The following WDR48 variants were observed in gnomAD, a reference collection of about 807,000 sequenced individuals.
WDR48 encodes WD repeat-containing protein 48.
WDR48 carries 22 observed loss-of-function variants against 94.0 expected under a neutral mutation model. That is an observed-to-expected ratio of 0.23 (90% confidence interval 0.17 to 0.33). WDR48 has a LOEUF of 0.33. Among genes scored for constraint, WDR48 ranks in the 10% least tolerant of loss-of-function variants. The probability of loss-of-function intolerance (pLI) is 1.00; values close to 1 mark genes in which losing one functional copy is unlikely to be tolerated. For synonymous variants in WDR48, 278 were observed against 280.5 expected (o/e 0.99, Z 0.09); for missense variants, 541 against 813.8 (o/e 0.66, Z 4.08).
chr3:39,078,390 T>G (rs1240486744), intron 10 of WDR48, 151 bp downstream of exon 10: 14 of 611,710 alleles, frequency 2.3e-5, no homozygotes, highest in South Asian at 8.4e-5. Flanking sequence ...AAGGAAAAGG[T>G]TTTTTTTTGT....
intron 1 of WDR48, among the ~76,000 whole-genome samples, chr3:39,058,815 A>G (rs1342938952): frequency 6.6e-6 from 1 of 152,178 alleles, no homozygotes; most frequent in Non-Finnish European, 1.5e-5. Flanking sequence ...GGTGGCTCAC[A>G]CCTGTAATCC....
At chr3:39,094,229 G>T in intron 18 of WDR48, 163 bp downstream of exon 18, 1 of 1,444,222 alleles carries the variant, frequency 6.9e-7, no homozygotes. Context: ...CTGCTGGGGA[G>T]ATTTTCAGAG....
intron 18 of WDR48, 131 bp from the exon 19 acceptor site, chr3:39,094,517 A>G: frequency 1.9e-6 from 3 of 1,540,064 alleles, no homozygotes; most frequent in Non-Finnish European, 2.6e-6. Flanking sequence ...AAGCCGTGAC[A>G]GCAAGAATTG....
chr3:39,070,571 G>A (rs1337563091), intron 7 of WDR48, among the ~76,000 whole-genome samples: 3 of 152,030 alleles, frequency 2.0e-5, no homozygotes, highest in Admixed American at 1.3e-4. Context: ...AGAAGCCGTC[G>A]CCTCCAGAAA....
rs1057247803 is a variant in WDR48, at chr3:39,077,070, C to T, written c.898-69C>T. ...TGAATGAAGGAGTTGATATTAATAA[C>T]ATATCTAGTCCTGGCAGTTCAGAAG... On this transcript the variant is annotated intron_variant, in intron 8 of 18. Transcript: ENST00000302313. The T allele has an allele frequency of 3.2e-6, 5 of 1,546,472 alleles. No homozygotes were observed. The African/African-American group carries it at 6.8e-5, about 21-fold the overall frequency.
chr3:39,078,315 A>G (rs924408842), intron 10 of WDR48, 76 bp downstream of exon 10: 1 of 992,288 alleles, frequency 1.0e-6, no homozygotes, highest in Non-Finnish European at 1.6e-6. Flanking sequence ...AATCAAGACA[A>G]TGACCTTTCT....
rs57905153 is a variant in WDR48 at position 39,077,894 on chromosome 3, C to G, written c.973-243C>G. The G allele has an allele frequency of 9.5e-3, 3,460 of 362,870 alleles. 111 individuals are homozygous for G. The highest frequency in any genetic ancestry group is 0.066 in the African/African-American group (3,148 of 47,850). 22.5% of individuals were successfully genotyped at this position (362,870 alleles called of 1,614,324 possible). A position where few individuals can be genotyped will look rare whatever the true frequency, so the allele number is the denominator to read the frequency against. ...CAACTTATGACCAATACAATTTTACCTGGAAGAGCACTCCTGCTTTCATGC... is the reference window on the plus strand; with the variant it reads ...CAACTTATGACCAATACAATTTTACGTGGAAGAGCACTCCTGCTTTCATGC... On this transcript the variant is annotated intron_variant, in intron 9 of 18. Transcript: ENST00000302313.
At chr3:39,082,975 A>T (rs1329811655) in intron 11 of WDR48, among the ~76,000 whole-genome samples, 1 of 152,240 alleles carries the variant, frequency 6.6e-6, no homozygotes, top group Non-Finnish European at 1.5e-5. Flanking sequence ...ACAATAGTAT[A>T]TGATTTTAAA....
At chr3:39,082,854 G>T (rs2034608953) in intron 11 of WDR48, among the ~76,000 whole-genome samples, 1 of 152,206 alleles carries the variant, frequency 6.6e-6, no homozygotes, top group African/African-American at 2.4e-5. Context: ...TCATCAGCTT[G>T]TGGGTTACAG....
At chr3:39,091,393 T>C (rs2035066771) in intron 16 of WDR48, 2 of 353,832 alleles carry the variant, frequency 5.7e-6, no homozygotes, top group South Asian at 7.4e-5. Context: ...TGTACTGTTA[T>C]CTAAGAAGAG....
At chr3:39,085,757 A>G in intron 14 of WDR48, 147 bp downstream of exon 14, 1 of 670,386 alleles carries the variant, frequency 1.5e-6, no homozygotes. Flanking sequence ...TCAAAGTAGG[A>G]ACATCCATCC....
intron 2 of WDR48, among the ~76,000 whole-genome samples, chr3:39,065,567 A>AG (rs1231026105): frequency 2.6e-5 from 4 of 152,150 alleles, no homozygotes; most frequent in Non-Finnish European, 5.9e-5. Flanking sequence ...AAAAAAAAAA[A>AG]AAATGAAGTA....
At chr3:39,077,316 A>G (rs929337950) in intron 9 of WDR48, 103 bp downstream of exon 9, 4 of 1,307,700 alleles carry the variant, frequency 3.1e-6, no homozygotes, top group Non-Finnish European at 4.3e-6. Context: ...TAACTCTAGC[A>G]TGCTTTTGGG....
rs1228773490 is a variant in WDR48, at chr3:39,094,836, A to T, written c.*93A>T. ...AAGCCCACTGATCCCCAACGGGAGC[A>T]AGACTTCTAACGGCTGATTGGTATG... On this transcript the variant is annotated 3_prime_UTR_variant, in exon 19 of 19. Coordinates refer to ENST00000302313, the MANE Select transcript of WDR48 (RefSeq NM_020839.4). 4 of 1,486,424 alleles carry T rather than the reference A, an allele frequency of 2.7e-6. No homozygotes were observed. Among genetic ancestry groups the T allele is most frequent in the Non-Finnish European group, 3.7e-6 (4 of 1,094,592 alleles). The allele number at this position is 1,486,424 out of a possible 1,614,324, so 92.1% of individuals were successfully genotyped here. A position where few individuals can be genotyped will look rare whatever the true frequency, so the allele number is the denominator to read the frequency against.
chr3:39,074,590 A>G (rs1178642880), intron 7 of WDR48, 136 bp from the exon 8 acceptor site: 5 of 872,296 alleles, frequency 5.7e-6, no homozygotes, highest in Non-Finnish European at 8.8e-6. Flanking sequence ...ATGGTTGTCA[A>G]GCCTTTATCA....
chr3:39,091,642 C>G lies in WDR48; in HGVS notation c.1686C>G (p.Phe562Leu), dbSNP rs928953432. 1 of 1,605,538 alleles carries G rather than the reference C, an allele frequency of 6.2e-7. No individual in the cohort carries two copies. The highest frequency in any genetic ancestry group is 8.5e-7 in the Non-Finnish European group (1 of 1,177,336). ...DITVDKNMPK[F>L]NKIPFYLQPH... The stretch of plus-strand genomic sequence containing the variant: ...TGTTTCAGAAAAATATGCCCAAATT[C>G]AACAAAATTCCTTTCTACCTCCAAC... Residue 562 changes from phenylalanine (F) to leucine (L), a missense_variant, in exon 17 of 19, where the codon TTC becomes TTG. Physicochemically the swap from Phe to Leu is conservative, Grantham distance 22 (BLOSUM62 0). Coordinates refer to ENST00000302313, the MANE Select transcript of WDR48 (RefSeq NM_020839.4).
Position 39,074,614 on chromosome 3 carries a change from A to C in WDR48, c.673-112A>C, listed in dbSNP as rs562029182. The C allele has an allele frequency of 4.8e-6, 5 of 1,038,246 alleles. No individual in the cohort carries two copies. In the East Asian group the frequency reaches 1.3e-4, roughly 27 times the overall value. 64.3% of individuals were successfully genotyped at this position (1,038,246 alleles called of 1,614,324 possible). A position where few individuals can be genotyped will look rare whatever the true frequency, so the allele number is the denominator to read the frequency against. ...AAGCCTTTATCAGAGGCAGAAACAC[A>C]GGTTAATAGAGTCGTGTGTTTGACA... On this transcript the variant is annotated intron_variant, in intron 7 of 18. Coordinates refer to ENST00000302313, the MANE Select transcript of WDR48 (RefSeq NM_020839.4).
At chr3:39,054,613 C>T (rs949654938) in intron 1 of WDR48, among the ~76,000 whole-genome samples, 1 of 152,190 alleles carries the variant, frequency 6.6e-6, no homozygotes. Context: ...AATTCCTTAT[C>T]TAAAAATATA....
chr3:39,067,989 C>CAA (rs907643859), intron 5 of WDR48, among the ~76,000 whole-genome samples: 9 of 128,882 alleles, frequency 7.0e-5, no homozygotes, highest in African/African-American at 2.3e-4. Flanking sequence ...GGGAACAAAG[C>CAA]AAAAAAAAAA....
Sources: allele counts gnomAD v4.1 joint callset (sites outside exome capture counted in the v4.1 genomes callset), GRCh38; gene constraint gnomAD v4.1.1; transcripts MANE v1.5; gene names NCBI Gene and HGNC (gene_info 2026-07-23, HGNC 2026-07-21).